EMB: variants seen among roughly 807,000 people sequenced by gnomAD.
EMB encodes the protein embigin, also known as embigin homolog.
EMB carries 31 observed loss-of-function variants against 41.4 expected under a neutral mutation model. The observed-to-expected ratio is 0.75, with a 90% CI of 0.56 to 1.01. The LOEUF (loss-of-function observed/expected upper bound fraction) is 1.01, where lower values mean the gene tolerates loss of function less well. Ranked by LOEUF, EMB falls within the 50% of genes least tolerant of loss-of-function variation. EMB has a pLI of 0.00. For missense variants in EMB, 379 were observed against 388.3 expected (o/e 0.98, Z 0.20); for synonymous variants, 137 against 140.4 (o/e 0.98, Z 0.17).
At chr5:50,438,426 G>A (rs1176134641) in intron 1 of EMB, among the ~76,000 whole-genome samples, 3 of 152,216 alleles carry the variant, frequency 2.0e-5, no homozygotes, top group South Asian at 2.1e-4. Flanking sequence ...ATCAGGGATA[G>A]AAGAATTAGG....
At chr5:50,413,017 G>T (rs1261771322) in intron 2 of EMB, among the ~76,000 whole-genome samples, 1 of 151,080 alleles carries the variant, frequency 6.6e-6, no homozygotes, top group Non-Finnish European at 1.5e-5. Context: ...TAACCCTCAA[G>T]TTCCCAACCA....
At chr5:50,430,923 G>A (rs1040771351) in intron 1 of EMB, among the ~76,000 whole-genome samples, 3 of 152,154 alleles carry the variant, frequency 2.0e-5, no homozygotes, top group African/African-American at 7.2e-5. Flanking sequence ...GTTTGGCTTT[G>A]GCAGAATCTA....
rs778758183 is a variant in EMB, at chr5:50,399,256, G to A, written c.*17C>T. 1.0e-5 allele frequency: 16 copies of A among 1,607,780 alleles called. No homozygotes were observed. In the Admixed American group the frequency reaches 1.0e-4, roughly 10 times the overall value. On this transcript the variant is annotated 3_prime_UTR_variant, in exon 9 of 9. Coordinates refer to ENST00000303221, the MANE Select transcript of EMB (RefSeq NM_198449.3). ...CTCTGTATATCTTCCAATGATTCTCGACATGATGTTTTGTATTCACTGGCC... is the reference window on the plus strand; with the variant it reads ...CTCTGTATATCTTCCAATGATTCTCAACATGATGTTTTGTATTCACTGGCC...
intron 5 of EMB, among the ~76,000 whole-genome samples, chr5:50,405,117 T>TA (rs1451371511): frequency 6.6e-6 from 1 of 151,944 alleles, no homozygotes; most frequent in Non-Finnish European, 1.5e-5. Flanking sequence ...AAATTATTTA[T>TA]AAAATACTCA....
At chr5:50,430,421 T>A (rs1383628864) in intron 1 of EMB, among the ~76,000 whole-genome samples, 1 of 152,198 alleles carries the variant, frequency 6.6e-6, no homozygotes, top group East Asian at 1.9e-4. Flanking sequence ...TCAGTAACAA[T>A]AAGAGTGACA....
chr5:50,415,855 A>C (rs1745421546), intron 2 of EMB, among the ~76,000 whole-genome samples: 1 of 152,256 alleles, frequency 6.6e-6, no homozygotes, highest in Non-Finnish European at 1.5e-5. Flanking sequence ...AAGATTAAAG[A>C]AATGTACAGT....
intron 2 of EMB, among the ~76,000 whole-genome samples, chr5:50,420,352 G>A (rs1311530472): frequency 4.6e-5 from 7 of 152,124 alleles, no homozygotes; most frequent in Non-Finnish European, 4.4e-5. Flanking sequence ...ACACCCTGAT[G>A]CCAATCCTTG....
chr5:50,405,901 G>C (rs1333606930), intron 4 of EMB, 49 bp from the exon 5 acceptor site: 12 of 1,514,292 alleles, frequency 7.9e-6, no homozygotes, highest in Non-Finnish European at 1.1e-5. Flanking sequence ...TTTAGGTAAA[G>C]GAAATGTATT....
Position 50,427,447 on chromosome 5 carries a change from T to C in EMB, c.196+697A>G, listed in dbSNP as rs559943712. Among the ~76,000 whole-genome samples the C allele has an allele frequency of 2.0e-5, 3 of 151,942 alleles. No homozygotes were observed. The East Asian group carries it at 5.8e-4, about 29-fold the overall frequency. On this transcript the variant is annotated intron_variant, in intron 2 of 8. Coordinates refer to ENST00000303221, the MANE Select transcript of EMB (RefSeq NM_198449.3). ...CTGAGATCTAATGTTTCTAAATTAA[T>C]GACAAATCTTTGTCAAAAACAAATC... is the stretch of plus-strand genomic sequence containing the variant.
At chr5:50,435,372 C>T (rs1414218573) in intron 1 of EMB, among the ~76,000 whole-genome samples, 1 of 152,112 alleles carries the variant, frequency 6.6e-6, no homozygotes, top group Non-Finnish European at 1.5e-5. Flanking sequence ...AAAAAAAGTC[C>T]CTATAACGCA....
chr5:50,423,682 T>C (rs562779905), intron 2 of EMB, among the ~76,000 whole-genome samples: 114 of 152,318 alleles, frequency 7.5e-4, no homozygotes, highest in African/African-American at 2.5e-3. Context: ...GTGGAAGTAC[T>C]ACCTGCCAGG....
Position 50,397,996 on chromosome 5 carries a change from A to G in EMB, c.*1277T>C, listed in dbSNP as rs937430240. 1.3e-5 allele frequency: 2 copies of G among 151,966 alleles called. No homozygotes were observed. The highest frequency in any genetic ancestry group is 4.8e-5 in the African/African-American group (2 of 41,394). 9.4% of individuals were successfully genotyped at this position (151,966 alleles called of 1,614,324 possible). A position where few individuals can be genotyped will look rare whatever the true frequency, so the allele number is the denominator to read the frequency against. On this transcript the variant is annotated 3_prime_UTR_variant, in exon 9 of 9. Transcript: ENST00000303221. Reference sequence around the variant, plus strand: ...TAGCCAATACATGGAGCAAATTTTTATAAAGTATTTCTTGTCAAATCATTG... The same window carrying G: ...TAGCCAATACATGGAGCAAATTTTTGTAAAGTATTTCTTGTCAAATCATTG...
upstream of EMB, among the ~76,000 whole-genome samples, chr5:50,442,091 G>A (rs1206876881): frequency 6.6e-6 from 1 of 152,110 alleles, no homozygotes; most frequent in Non-Finnish European, 1.5e-5. Flanking sequence ...TTTCTCTCCA[G>A]GATGTTATAA....
upstream of EMB, among the ~76,000 whole-genome samples, chr5:50,442,464 C>CA (rs1297207176): frequency 1.3e-5 from 2 of 152,052 alleles, no homozygotes; most frequent in African/African-American, 4.8e-5. Flanking sequence ...CCATTGTGTT[C>CA]AAAAGAGGCT....
At chr5:50,400,457 T>C (rs114835006) in intron 7 of EMB, among the ~76,000 whole-genome samples, 2,988 of 152,048 alleles carry the variant, frequency 0.02, 101 homozygotes, top group African/African-American at 0.068. Context: ...TATCAAATCA[T>C]AATGCATATT....
At chr5:50,404,666 A>C (rs1048703511) in intron 5 of EMB, among the ~76,000 whole-genome samples, 4 of 151,858 alleles carry the variant, frequency 2.6e-5, no homozygotes, top group African/African-American at 9.7e-5. Context: ...TGTATTTCAA[A>C]TACCATAGTT....
chr5:50,440,952 C>A, intron 1 of EMB, 88 bp downstream of exon 1: 1 of 990,528 alleles, frequency 1.0e-6, no homozygotes, highest in Admixed American at 4.2e-5. Context: ...CACCCTTGCC[C>A]GGCGCGCCGG....
intron 2 of EMB, among the ~76,000 whole-genome samples, chr5:50,412,634 C>A (rs1337875870): frequency 6.7e-6 from 1 of 150,018 alleles, no homozygotes; most frequent in Non-Finnish European, 1.5e-5. Context: ...CCACTTTTAA[C>A]TGGCCCTTTG....
intron 5 of EMB, among the ~76,000 whole-genome samples, chr5:50,404,606 A>G (rs1468726039): frequency 6.6e-6 from 1 of 151,968 alleles, no homozygotes; most frequent in African/African-American, 2.4e-5. Context: ...GATGAAGGCT[A>G]ATGTTTTTCA....
Sources: gnomAD v4.1 joint callset for allele counts (sites outside exome capture counted in the v4.1 genomes callset) on GRCh38, gnomAD v4.1.1 for gene constraint, MANE v1.5 for transcripts, NCBI Gene and HGNC (gene_info 2026-07-23, HGNC 2026-07-21) for gene names.